HTRA1: variants seen among roughly 807,000 people sequenced by gnomAD.
HTRA1 encodes HtrA serine peptidase 1.
Under a neutral mutation model 49.7 loss-of-function variants are expected in HTRA1, and 26 were observed. The ratio of observed to expected loss-of-function variants is 0.52; its 90% CI spans 0.38 to 0.73. The LOEUF is 0.73. HTRA1 is among the 30% of genes least tolerant of loss of function. HTRA1 has a pLI of 0.00. For missense variants in HTRA1, 561 were observed against 667.2 expected (o/e 0.84, Z 1.75); for synonymous variants, 291 against 286.9 (o/e 1.01, Z -0.14).
At chr10:122,507,915 A>G (rs1169102925) in intron 5 of HTRA1, among the ~76,000 whole-genome samples, 1 of 146,618 alleles carries the variant, frequency 6.8e-6, no homozygotes, top group Non-Finnish European at 1.5e-5. Flanking sequence ...CTTGAGCAGA[A>G]AAAGTGAAGC....
chr10:122,493,821 T>C (rs1408204508), intron 3 of HTRA1, among the ~76,000 whole-genome samples: 1 of 151,588 alleles, frequency 6.6e-6, no homozygotes. Flanking sequence ...CCTCACTCTC[T>C]CTGCCCCTCC....
At chr10:122,501,410 T>TGAGGGAGTA (rs1410710726) in intron 3 of HTRA1, among the ~76,000 whole-genome samples, 1 of 152,214 alleles carries the variant, frequency 6.6e-6, no homozygotes, top group African/African-American at 2.4e-5. Flanking sequence ...AAAATGTGCA[T>TGAGGGAGTA]GAGGGAGTAT....
intron 3 of HTRA1, among the ~76,000 whole-genome samples, chr10:122,491,346 C>T (rs1210425209): frequency 1.3e-5 from 2 of 152,152 alleles, no homozygotes; most frequent in African/African-American, 2.4e-5. Flanking sequence ...CATGGGAAGG[C>T]GGGTGCATCT....
At chr10:122,463,024 T>C (rs2097482238) in intron 1 of HTRA1, among the ~76,000 whole-genome samples, 1 of 152,176 alleles carries the variant, frequency 6.6e-6, no homozygotes, top group Non-Finnish European at 1.5e-5. Flanking sequence ...AAAAATAATA[T>C]CGAGTTCAGC....
chr10:122,492,140 C>G (rs2133440249), intron 3 of HTRA1, among the ~76,000 whole-genome samples: 1 of 152,114 alleles, frequency 6.6e-6, no homozygotes, highest in East Asian at 1.9e-4. Flanking sequence ...CTACACGGCT[C>G]CTTGTCATAT....
intron 7 of HTRA1, among the ~76,000 whole-genome samples, chr10:122,510,990 G>A (rs1223678430): frequency 1.3e-5 from 2 of 152,180 alleles, no homozygotes; most frequent in Non-Finnish European, 2.9e-5. Context: ...TGTAGGGAAA[G>A]ATGGTAAGCC....
chr10:122,470,624 C>T (rs1393468548), intron 1 of HTRA1, among the ~76,000 whole-genome samples: 1 of 151,760 alleles, frequency 6.6e-6, no homozygotes, highest in African/African-American at 2.4e-5. Flanking sequence ...TTTATCAACT[C>T]CCAATGCTTC....
rs968982058 is a variant in HTRA1, at chr10:122,490,956, A to C, written c.777+1330A>C. On this transcript the variant is annotated intron_variant, in intron 3 of 8. Transcript: ENST00000368984. This position sits in a 1 kb window ranked among gnomAD's most constrained non-coding sequence, Gnocchi z 4.2. ...CTTCTCTATGGCTGGGTGGCCAGGC[A>C]TGGCCGAAGAGGCTCTGGGTAGATA... Among the ~76,000 whole-genome samples, 1 of 152,160 alleles carries C rather than the reference A, an allele frequency of 6.6e-6. No homozygotes were observed. Among genetic ancestry groups the C allele is most frequent in the Admixed American group, 6.5e-5 (1 of 15,272 alleles).
Position 122,506,792 on chromosome 10 carries a change from C to T in HTRA1, c.879C>T (p.Thr293=), listed in dbSNP as rs149294320. The T allele has an allele frequency of 4.3e-3, 6,987 of 1,613,890 alleles. 18 individuals carry two copies. Among genetic ancestry groups the T allele is most frequent in the Non-Finnish European group, 5.4e-3 (6,375 of 1,179,984 alleles). The change falls in exon 4 of 9, where the codon ACC becomes ACT. Residue 293 remains threonine, a synonymous_variant. Coordinates refer to ENST00000368984, the MANE Select transcript of HTRA1 (RefSeq NM_002775.5). This position sits in a 1 kb window ranked among gnomAD's most constrained non-coding sequence, Gnocchi z 5.2. ...GSPFSLQNTV[T]TGIVSTTQRG... is the part of the protein sequence containing the mutation. The stretch of plus-strand genomic sequence containing the variant: ...CGTTTTCCCTTCAAAACACAGTCAC[C>T]ACCGGGATCGTGAGCACCACCCAGC...
intron 1 of HTRA1, among the ~76,000 whole-genome samples, chr10:122,462,395 C>T (rs141933980): frequency 2.6e-5 from 4 of 152,376 alleles, no homozygotes; most frequent in Non-Finnish European, 5.9e-5. Context: ...GGCGACCGGC[C>T]ATGGAGTGCC....
chr10:122,506,905 C>T lies in HTRA1; in HGVS notation c.972+20C>T, dbSNP rs373219331. On this transcript the variant is annotated intron_variant, in intron 4 of 8. Coordinates refer to ENST00000368984, the MANE Select transcript of HTRA1 (RefSeq NM_002775.5). The surrounding 1 kb of genome is among the most constrained non-coding windows in gnomAD (Gnocchi z 5.2). ...ATCAACGTGAGCCTCTGTCCCTCTG[C>T]GGGTGGGGATTGGGGCAGAGTTTTG... 6.1e-5 allele frequency: 98 copies of T among 1,609,366 alleles called. No homozygotes were observed. Among genetic ancestry groups the T allele is most frequent in the Non-Finnish European group, 7.2e-5 (85 of 1,177,194 alleles).
chr10:122,477,855 T>C (rs556140619), intron 1 of HTRA1, among the ~76,000 whole-genome samples: 182 of 152,344 alleles, frequency 1.2e-3, no homozygotes, highest in African/African-American at 4.2e-3. Context: ...CTCTGCATGA[T>C]GCATTTTATG....
At chr10:122,499,057 A>G (rs1366178849) in intron 3 of HTRA1, among the ~76,000 whole-genome samples, 1 of 151,966 alleles carries the variant, frequency 6.6e-6, no homozygotes, top group Admixed American at 6.6e-5. Flanking sequence ...CAGGCTGATG[A>G]TACCGTGGTT....
intron 1 of HTRA1, among the ~76,000 whole-genome samples, chr10:122,466,612 C>T (rs1365539536): frequency 6.6e-6 from 1 of 152,188 alleles, no homozygotes; most frequent in Non-Finnish European, 1.5e-5. Flanking sequence ...ATATTCAATA[C>T]AATGGGGGAA....
intron 5 of HTRA1, among the ~76,000 whole-genome samples, chr10:122,508,416 G>A (rs2097504106): frequency 6.6e-6 from 1 of 152,216 alleles, no homozygotes; most frequent in South Asian, 2.1e-4. Flanking sequence ...TGTGCTTACC[G>A]TGAGGTGAGC....
intron 1 of HTRA1, among the ~76,000 whole-genome samples, chr10:122,473,549 A>G (rs1199022052): frequency 6.6e-6 from 1 of 152,212 alleles, no homozygotes; most frequent in Non-Finnish European, 1.5e-5. Context: ...AGTAAAAAGA[A>G]AGAACACGAT....
intron 1 of HTRA1, among the ~76,000 whole-genome samples, chr10:122,480,640 C>T (rs966952652): frequency 2.0e-5 from 3 of 152,084 alleles, no homozygotes; most frequent in South Asian, 2.1e-4. Flanking sequence ...GCTGGCGTGG[C>T]GTGAGTGCCC....
intron 1 of HTRA1, among the ~76,000 whole-genome samples, chr10:122,484,835 G>C (rs913906635): frequency 1.3e-5 from 2 of 152,198 alleles, no homozygotes; most frequent in African/African-American, 4.8e-5. Context: ...GCTGATAGAC[G>C]AGGAAACAGA....
At chr10:122,463,198 C>T (rs2097482342) in intron 1 of HTRA1, among the ~76,000 whole-genome samples, 1 of 152,222 alleles carries the variant, frequency 6.6e-6, no homozygotes, top group Non-Finnish European at 1.5e-5. Context: ...CTAGAGTTTA[C>T]TTTATAGGAA....
Sources: allele counts gnomAD v4.1 joint callset (sites outside exome capture counted in the v4.1 genomes callset), GRCh38; gene constraint gnomAD v4.1.1; non-coding constraint Gnocchi (gnomAD v3.1); transcripts MANE v1.5; gene names NCBI Gene and HGNC (gene_info 2026-07-23, HGNC 2026-07-21).